Variants in SHISA9 observed in about 807,000 individuals in gnomAD.
The protein encoded by SHISA9 is protein shisa-9.
Under a neutral mutation model 38.0 loss-of-function variants are expected in SHISA9, and 13 were observed. The observed-to-expected ratio is 0.34, with a 90% CI of 0.22 to 0.54. The LOEUF (loss-of-function observed/expected upper bound fraction) is 0.54, where lower values mean the gene tolerates loss of function less well. SHISA9 is among the 20% of genes least tolerant of loss of function. The pLI is 0.91. For missense variants in SHISA9, 538 were observed against 575.8 expected (o/e 0.93, Z 0.67); for synonymous variants, 275 against 242.0 (o/e 1.14, Z -1.27).
chr16:13,072,324 A>G (rs75697018), intron 2 of SHISA9, among the ~76,000 whole-genome samples: 2,653 of 152,294 alleles, frequency 0.017, 84 homozygotes, highest in African/African-American at 0.061. Flanking sequence ...TGTGATTACT[A>G]CCATCATGGG....
intron 2 of SHISA9, among the ~76,000 whole-genome samples, chr16:13,030,200 C>T (rs1459976023): frequency 1.3e-5 from 2 of 152,170 alleles, no homozygotes; most frequent in East Asian, 1.9e-4. Flanking sequence ...TACCTCCATT[C>T]TTATAGGCAC....
At chr16:13,174,079 A>G (rs1567235343) in intron 2 of SHISA9, among the ~76,000 whole-genome samples, 2 of 152,084 alleles carry the variant, frequency 1.3e-5, no homozygotes, top group Non-Finnish European at 2.9e-5. Context: ...TTCTCAATAA[A>G]ATGAGCGGCT....
chr16:13,232,091 T>C (rs2051336904), intron 4 of SHISA9, among the ~76,000 whole-genome samples: 1 of 152,152 alleles, frequency 6.6e-6, no homozygotes, highest in Admixed American at 6.5e-5. Flanking sequence ...ACATGGTTCC[T>C]GCCCTGCTGG....
chr16:13,326,191 GC>G, the SHISA9 span, among the ~76,000 whole-genome samples: 1 of 151,814 alleles, frequency 6.6e-6, no homozygotes, highest in Admixed American at 6.6e-5. Context: ...CCCTATTCAG[GC>G]CCACCCACCG....
At chr16:13,358,906 A>G in the SHISA9 span, among the ~76,000 whole-genome samples, 3 of 152,358 alleles carry the variant, frequency 2.0e-5, no homozygotes, top group Admixed American at 1.3e-4. Flanking sequence ...GGAATGAGGA[A>G]TACAGGAAAA....
At chr16:13,069,800 A>C (rs1362852172) in intron 2 of SHISA9, among the ~76,000 whole-genome samples, 2 of 152,096 alleles carry the variant, frequency 1.3e-5, no homozygotes, top group Non-Finnish European at 2.9e-5. Context: ...TGCTCTCATG[A>C]ATGGGATCTG....
chr16:13,077,246 T>C (rs751148783), intron 2 of SHISA9, among the ~76,000 whole-genome samples: 29 of 151,024 alleles, frequency 1.9e-4, no homozygotes, highest in Non-Finnish European at 2.5e-4. Context: ...TCTTCTTCTT[T>C]TTTTTTTTTA....
At chr16:13,547,521 A>G in the SHISA9 span, among the ~76,000 whole-genome samples, 1 of 152,214 alleles carries the variant, frequency 6.6e-6, no homozygotes, top group South Asian at 2.1e-4. Flanking sequence ...CTGATATACA[A>G]TGGCAGAAGA....
intron 2 of SHISA9, among the ~76,000 whole-genome samples, chr16:13,127,250 A>G (rs2050268235): frequency 8.1e-6 from 1 of 124,108 alleles, no homozygotes; most frequent in Non-Finnish European, 1.7e-5. Flanking sequence ...AGTGAGGGAG[A>G]GAGAGGGAGG....
chr16:13,087,300 G>A (rs1428956307), intron 2 of SHISA9, among the ~76,000 whole-genome samples: 1 of 151,964 alleles, frequency 6.6e-6, no homozygotes, highest in African/African-American at 2.4e-5. Flanking sequence ...GTGTGCGTGT[G>A]TCTATAGTAG....
the SHISA9 span, among the ~76,000 whole-genome samples, chr16:13,457,422 G>A: frequency 2.3e-4 from 35 of 152,124 alleles, no homozygotes; most frequent in African/African-American, 7.9e-4. Context: ...GAGTAGTCTT[G>A]CCTGGACTGT....
the SHISA9 span, among the ~76,000 whole-genome samples, chr16:13,267,137 G>C: frequency 6.6e-6 from 1 of 152,102 alleles, no homozygotes; most frequent in South Asian, 2.1e-4. Flanking sequence ...AAGAAGCCAA[G>C]TGGGACCATA....
chr16:13,311,354 T>C, the SHISA9 span, among the ~76,000 whole-genome samples: 25 of 152,276 alleles, frequency 1.6e-4, no homozygotes, highest in African/African-American at 5.8e-4. Context: ...GTATTTACAC[T>C]AAAAATATTT....
the SHISA9 span, among the ~76,000 whole-genome samples, chr16:13,345,793 C>T: frequency 6.6e-6 from 1 of 152,134 alleles, no homozygotes; most frequent in African/African-American, 2.4e-5. Flanking sequence ...AATAGCCATT[C>T]TGACTGTTGT....
intron 2 of SHISA9, among the ~76,000 whole-genome samples, chr16:13,084,370 A>G (rs1033775883): frequency 3.3e-5 from 5 of 152,216 alleles, no homozygotes; most frequent in Admixed American, 2.6e-4. Context: ...GCTGCTTAGA[A>G]CAAATCTTGA....
the SHISA9 span, among the ~76,000 whole-genome samples, chr16:13,552,958 C>A: frequency 2.0e-5 from 3 of 151,928 alleles, no homozygotes; most frequent in Admixed American, 6.6e-5. Context: ...GCCAGATAAT[C>A]GTTTGTTGTG....
At chr16:13,154,691 T>G (rs2050528079) in intron 2 of SHISA9, among the ~76,000 whole-genome samples, 1 of 152,222 alleles carries the variant, frequency 6.6e-6, no homozygotes, top group Non-Finnish European at 1.5e-5. Flanking sequence ...AGGTCTGGAA[T>G]TTGACCACTA....
chr16:13,035,094 A>G (rs1828072905), intron 2 of SHISA9, among the ~76,000 whole-genome samples: 3 of 152,158 alleles, frequency 2.0e-5, no homozygotes, highest in Admixed American at 1.3e-4. Context: ...CTTAAATCTG[A>G]TATTGATACT....
At chr16:13,359,066 C>T in the SHISA9 span, among the ~76,000 whole-genome samples, 5 of 152,164 alleles carry the variant, frequency 3.3e-5, no homozygotes, top group African/African-American at 1.2e-4. Flanking sequence ...AATGCAATTC[C>T]CATCCGTTGG....
Sources: gnomAD v4.1 joint callset for allele counts (sites outside exome capture counted in the v4.1 genomes callset) on GRCh38, gnomAD v4.1.1 for gene constraint, MANE v1.5 for transcripts, NCBI Gene and HGNC (gene_info 2026-07-23, HGNC 2026-07-21) for gene names.